ADARB2: variants seen among roughly 807,000 people sequenced by gnomAD.
The protein encoded by ADARB2 is adenosine deaminase RNA specific B2 (inactive).
Under a neutral mutation model 62.2 loss-of-function variants are expected in ADARB2, and 25 were observed. The ratio of observed to expected loss-of-function variants is 0.40; its 90% confidence interval spans 0.29 to 0.56. ADARB2 has a LOEUF of 0.56. ADARB2 is among the 20% of genes least tolerant of loss of function. ADARB2 has a pLI of 0.43. For synonymous variants in ADARB2, 572 were observed against 500.8 expected (o/e 1.14, Z -1.90); for missense variants, 1,071 against 1,077.4 (o/e 0.99, Z 0.08).
chr10:1,571,305 G>A (rs563748703), intron 1 of ADARB2, among the ~76,000 whole-genome samples: 1 of 150,658 alleles, frequency 6.6e-6, no homozygotes, highest in South Asian at 2.1e-4. Context: ...TTTAAAAAAA[G>A]CCTGTATGAC....
At chr10:1,209,065 C>T (rs1837107512) in intron 7 of ADARB2, among the ~76,000 whole-genome samples, 1 of 152,138 alleles carries the variant, frequency 6.6e-6, no homozygotes, top group Non-Finnish European at 1.5e-5. Context: ...CGTGTGGCTG[C>T]CAATACCCCC....
intron 1 of ADARB2, among the ~76,000 whole-genome samples, chr10:1,611,119 G>A (rs955256749): frequency 2.6e-5 from 4 of 152,212 alleles, no homozygotes; most frequent in African/African-American, 9.6e-5. Flanking sequence ...GGGCAAGGGA[G>A]GGGGAGGAAA....
rs188284425 is a variant in ADARB2 at position 1,413,132 on chromosome 10, C to T, written c.101-33972G>A. The stretch of plus-strand genomic sequence containing the variant: ...TCTAGAACGGTCTGCAGGCAGGAGA[C>T]GGGTGTTAGAATCCACCCAGGTGGC... On this transcript the variant is annotated intron_variant, in intron 1 of 9. Transcript: ENST00000381312. Among the ~76,000 whole-genome samples the T allele has an allele frequency of 6.7e-3, 1,016 of 152,286 alleles. 8 individuals carry two copies. Among genetic ancestry groups the T allele is most frequent in the Middle Eastern group, 0.014 (4 of 294 alleles).
intron 1 of ADARB2, among the ~76,000 whole-genome samples, chr10:1,668,078 G>C (rs1002234120): frequency 6.6e-6 from 1 of 152,186 alleles, no homozygotes; most frequent in Non-Finnish European, 1.5e-5. Flanking sequence ...TAGTGGGCTG[G>C]ACGCTCACCC....
At chr10:1,331,250 G>A (rs554632117) in intron 3 of ADARB2, among the ~76,000 whole-genome samples, 1 of 152,290 alleles carries the variant, frequency 6.6e-6, no homozygotes, top group South Asian at 2.1e-4. Flanking sequence ...CTACTGCCAA[G>A]TATATACCCA....
At chr10:1,577,161 T>C (rs1833032424) in intron 1 of ADARB2, among the ~76,000 whole-genome samples, 2 of 151,918 alleles carry the variant, frequency 1.3e-5, no homozygotes, top group South Asian at 4.2e-4. Flanking sequence ...CGCTCTGGTG[T>C]AAGGCCATCC....
chr10:1,553,259 A>G (rs567588030), intron 1 of ADARB2, among the ~76,000 whole-genome samples: 1 of 152,352 alleles, frequency 6.6e-6, no homozygotes, highest in South Asian at 2.1e-4. Flanking sequence ...TAAGTCATAA[A>G]TTGCTTAGTT....
chr10:1,599,492 G>A (rs1833380109), intron 1 of ADARB2, among the ~76,000 whole-genome samples: 2 of 152,150 alleles, frequency 1.3e-5, no homozygotes. Flanking sequence ...CTGTGTACAG[G>A]GAAGCACGTA....
chr10:1,681,386 C>T (rs1172993549), intron 1 of ADARB2, among the ~76,000 whole-genome samples: 1 of 152,062 alleles, frequency 6.6e-6, no homozygotes, highest in Non-Finnish European at 1.5e-5. Context: ...GAAGAAAGTT[C>T]TCAAAGAAAA....
At chr10:1,232,827 ATG>A (rs1460820385) in intron 6 of ADARB2, among the ~76,000 whole-genome samples, 8 of 147,552 alleles carry the variant, frequency 5.4e-5, no homozygotes, top group African/African-American at 1.8e-4. Flanking sequence ...CATGTGCTAT[ATG>A]TGGTATGTGT....
intron 1 of ADARB2, among the ~76,000 whole-genome samples, chr10:1,504,799 A>G (rs2131940385): frequency 6.6e-6 from 1 of 152,330 alleles, no homozygotes; most frequent in South Asian, 2.1e-4. Context: ...CTATTAATAT[A>G]CAAGGGGGTA....
intron 1 of ADARB2, among the ~76,000 whole-genome samples, chr10:1,711,182 T>C (rs373302914): frequency 2.4e-4 from 37 of 152,264 alleles, no homozygotes; most frequent in South Asian, 1.9e-3. Flanking sequence ...GGATCTCAGG[T>C]GTTAGTCCTT....
chr10:1,439,377 A>C (rs1194331377), intron 1 of ADARB2, among the ~76,000 whole-genome samples: 2 of 147,780 alleles, frequency 1.4e-5, no homozygotes, highest in Non-Finnish European at 3.0e-5. Flanking sequence ...AGGTGGAGGC[A>C]GGCCCTTCAC....
intron 1 of ADARB2, among the ~76,000 whole-genome samples, chr10:1,732,194 A>T (rs943896968): frequency 3.9e-5 from 6 of 151,926 alleles, no homozygotes; most frequent in Admixed American, 1.3e-4. Flanking sequence ...ACATACATAC[A>T]TAGTAATATA....
At chr10:1,584,823 T>C (rs1387101295) in intron 1 of ADARB2, among the ~76,000 whole-genome samples, 3 of 152,128 alleles carry the variant, frequency 2.0e-5, no homozygotes, top group African/African-American at 4.8e-5. Flanking sequence ...TAAGTGCATA[T>C]TGCTAACTGA....
At chr10:1,671,997 G>A (rs540272226) in intron 1 of ADARB2, among the ~76,000 whole-genome samples, 10 of 151,614 alleles carry the variant, frequency 6.6e-5, no homozygotes, top group African/African-American at 1.9e-4. Flanking sequence ...TTCGGGGGGC[G>A]GAGGGGCAGA....
At chr10:1,297,416 T>C (rs922937599) in intron 3 of ADARB2, among the ~76,000 whole-genome samples, 4 of 152,190 alleles carry the variant, frequency 2.6e-5, no homozygotes, top group Non-Finnish European at 5.9e-5. Flanking sequence ...CAAGCAGATT[T>C]TTAGCCGTTG....
At position 1,705,269 on chromosome 10, in the gene ADARB2, T is replaced by C. The variant is rs376970227; in HGVS notation, c.100+31782A>G. On this transcript the variant is annotated intron_variant, in intron 1 of 9. Transcript: ENST00000381312. ...GCTTGGCAGGGTTGCAGGGGCTGCA[T>C]TCTACATGGTGCCTCTGCCCACTCT... 2.0e-4 allele frequency among the ~76,000 whole-genome samples: 30 copies of C among 152,324 alleles called. 1 individual carries two copies. In the South Asian group the frequency reaches 6.2e-3, roughly 32 times the overall value.
At chr10:1,360,597 G>T (rs540993244) in intron 3 of ADARB2, among the ~76,000 whole-genome samples, 4 of 152,188 alleles carry the variant, frequency 2.6e-5, no homozygotes, top group East Asian at 1.9e-4. Flanking sequence ...ACTGCTGAAG[G>T]TTCCTGGCCC....
Sources: allele counts gnomAD v4.1 joint callset (sites outside exome capture counted in the v4.1 genomes callset), GRCh38; gene constraint gnomAD v4.1.1; transcripts MANE v1.5; gene names NCBI Gene and HGNC (gene_info 2026-07-23, HGNC 2026-07-21).